The following RAB27A variants were observed in gnomAD, a reference collection of about 807,000 sequenced individuals.
RAB27A encodes the protein ras-related protein Rab-27A.
In RAB27A, 17 loss-of-function variants were observed where a neutral mutation model predicts 20.8. That is an observed-to-expected ratio of 0.82 (90% CI 0.56 to 1.23). The LOEUF is 1.23. Among genes scored for constraint, RAB27A ranks in the 50% most tolerant of loss-of-function variants. The pLI is 0.00. For synonymous variants in RAB27A, 85 were observed against 92.8 expected (o/e 0.92, Z 0.48); for missense variants, 277 against 266.7 (o/e 1.04, Z -0.27).
intron 4 of RAB27A, among the ~76,000 whole-genome samples, chr15:55,229,159 A>G (rs1272437329): frequency 6.6e-6 from 1 of 151,592 alleles, no homozygotes; most frequent in African/African-American, 2.4e-5. Flanking sequence ...CTGTCTTGGT[A>G]CTCTGCCTTC....
intron 6 of RAB27A, 94 bp from the exon 7 acceptor site, chr15:55,205,799 C>T: frequency 2.6e-6 from 3 of 1,150,680 alleles, no homozygotes; most frequent in Non-Finnish European, 3.9e-6. Flanking sequence ...CGATAGAATA[C>T]AAATATACAA....
intron 2 of RAB27A, among the ~76,000 whole-genome samples, chr15:55,256,172 C>A (rs1346470591): frequency 6.6e-6 from 1 of 152,110 alleles, no homozygotes; most frequent in Non-Finnish European, 1.5e-5. Flanking sequence ...CCCACCTATT[C>A]AAGAGACTGA....
In RAB27A at chr15:55,304,895, T is replaced by G. The variant is rs375829594; in HGVS notation, c.-112+9144A>C. On this transcript the variant is annotated intron_variant, in intron 2 of 5. Transcript: ENST00000563262. ...TGGTTTTGTTTTTGCAGTTGCAAGA[T>G]TTCATAGAGTGAAAACGGAGCTCCC... Among the ~76,000 whole-genome samples the G allele has an allele frequency of 1.5e-4, 23 of 152,226 alleles. No individual in the cohort carries two copies. The East Asian group carries it at 2.9e-3, about 19-fold the overall frequency.
intron 2 of RAB27A, among the ~76,000 whole-genome samples, chr15:55,302,846 C>T (rs896425265): frequency 1.4e-5 from 2 of 141,818 alleles, no homozygotes; most frequent in South Asian, 2.4e-4. Flanking sequence ...GGCAACCACC[C>T]CGTCTGAGAA....
chr15:55,233,575 C>A (rs541621863), intron 3 of RAB27A, among the ~76,000 whole-genome samples: 1 of 152,194 alleles, frequency 6.6e-6, no homozygotes, highest in African/African-American at 2.4e-5. Flanking sequence ...AGAAGCCAGA[C>A]ACAAAAGGCC....
At chr15:55,316,576 C>T (rs2055045130) in intron 1 of RAB27A, among the ~76,000 whole-genome samples, 1 of 149,800 alleles carries the variant, frequency 6.7e-6, no homozygotes, top group Admixed American at 6.7e-5. Flanking sequence ...GCACATGTAT[C>T]CCAGAACTTA....
At chr15:55,254,714 T>C (rs2141047335) in intron 2 of RAB27A, among the ~76,000 whole-genome samples, 1 of 152,352 alleles carries the variant, frequency 6.6e-6, no homozygotes, top group East Asian at 1.9e-4. Flanking sequence ...TGGCTTCTAC[T>C]ATTAAGAAAT....
chr15:55,267,314 A>C (rs764947836), intron 2 of RAB27A, among the ~76,000 whole-genome samples: 6 of 152,186 alleles, frequency 3.9e-5, no homozygotes, highest in Non-Finnish European at 7.3e-5. Context: ...ACAAACAAAA[A>C]TGGATGCTCT....
At chr15:55,209,644 CTATA>C (rs1254369891) in intron 6 of RAB27A, among the ~76,000 whole-genome samples, 6 of 149,896 alleles carry the variant, frequency 4.0e-5, no homozygotes, top group African/African-American at 1.5e-4. Flanking sequence ...ATATACATCT[CTATA>C]TATCTTTTGG....
intron 1 of RAB27A, among the ~76,000 whole-genome samples, chr15:55,275,825 T>C (rs1241895114): frequency 1.4e-5 from 2 of 145,318 alleles, no homozygotes; most frequent in Admixed American, 7.2e-5. Context: ...TCAACAAGTA[T>C]ATGAAAAAGT....
intron 2 of RAB27A, among the ~76,000 whole-genome samples, chr15:55,297,541 G>T (rs930465051): frequency 6.6e-6 from 1 of 152,236 alleles, no homozygotes; most frequent in East Asian, 1.9e-4. Context: ...AGCACATTCT[G>T]CAGGCCATTC....
At chr15:55,318,029 G>A (rs1186620250) in intron 1 of RAB27A, among the ~76,000 whole-genome samples, 2 of 151,966 alleles carry the variant, frequency 1.3e-5, no homozygotes, top group East Asian at 3.9e-4. Flanking sequence ...AATTAGGGAA[G>A]GGTATAAGAC....
At chr15:55,301,707 T>C (rs1335817209) in intron 2 of RAB27A, among the ~76,000 whole-genome samples, 2 of 144,484 alleles carry the variant, frequency 1.4e-5, no homozygotes, top group Non-Finnish European at 3.0e-5. Flanking sequence ...TGCAGTGGCA[T>C]GATCTTGGCT....
At chr15:55,292,987 A>C (rs1034330326), upstream of RAB27A, among the ~76,000 whole-genome samples, 2 of 152,228 alleles carry the variant, frequency 1.3e-5, no homozygotes, top group African/African-American at 4.8e-5. Context: ...GTTATTACAG[A>C]AACTAAGTAC....
At chr15:55,225,699 G>C (rs1254019630) in intron 5 of RAB27A, among the ~76,000 whole-genome samples, 1 of 152,048 alleles carries the variant, frequency 6.6e-6, no homozygotes, top group African/African-American at 2.4e-5. Flanking sequence ...TGTGATTATT[G>C]GTGATTTCTT....
Position 55,300,803 on chromosome 15 carries a change from T to A in RAB27A, c.-112+13236A>T, listed in dbSNP as rs976013541. On this transcript the variant is annotated intron_variant, in intron 2 of 5. Transcript: ENST00000563262. Reference sequence around the variant, plus strand: ...AGAAGGCTGATGTCAGTCTCTACAATGGAAATCATGGTCCCTCACAAGTTT... The same window carrying A: ...AGAAGGCTGATGTCAGTCTCTACAAAGGAAATCATGGTCCCTCACAAGTTT... 7.9e-5 allele frequency among the ~76,000 whole-genome samples: 12 copies of A among 152,280 alleles called. No individual in the cohort carries two copies. In the East Asian group the frequency reaches 2.3e-3, roughly 29 times the overall value.
At position 55,261,673 on chromosome 15, in the gene RAB27A, G is replaced by A. The variant is rs186942660; in HGVS notation, c.-23+8492C>T. ...GAAGAATAGCTTGAACCCAGGAGGC[G>A]GAGGTTGCAGTGAGCCGAGATCACT... On this transcript the variant is annotated intron_variant, in intron 2 of 6. Transcript: ENST00000336787. Among the ~76,000 whole-genome samples the A allele has an allele frequency of 3.0e-4, 42 of 141,928 alleles. 1 individual carries two copies. In the East Asian group the frequency reaches 6.8e-3, roughly 23 times the overall value. 93.1% of individuals were successfully genotyped at this position (141,928 alleles called of 152,430 possible).
chr15:55,210,215 G>GTGTATGTATACATACACACATGTA (rs1566897276), intron 6 of RAB27A, among the ~76,000 whole-genome samples: 12 of 136,400 alleles, frequency 8.8e-5, no homozygotes, highest in African/African-American at 3.0e-4. Flanking sequence ...ACACATGTAT[G>GTGTATGTATACATACACACATGTA]TGTATGTATA....
At chr15:55,235,755 T>C (rs967702931) in intron 2 of RAB27A, among the ~76,000 whole-genome samples, 2 of 152,048 alleles carry the variant, frequency 1.3e-5, no homozygotes, top group Non-Finnish European at 2.9e-5. Flanking sequence ...AGTCAATGAG[T>C]AGATAAAGAA....
Sources: allele counts gnomAD v4.1 joint callset (sites outside exome capture counted in the v4.1 genomes callset), GRCh38; gene constraint gnomAD v4.1.1; transcripts MANE v1.5; gene names NCBI Gene and HGNC (gene_info 2026-07-23, HGNC 2026-07-21).